Variants in TOX observed in about 807,000 individuals in gnomAD.
TOX encodes thymocyte selection associated high mobility group box, also known as thymocyte selection-associated high mobility group box protein TOX.
In TOX, 11 loss-of-function variants were observed where a neutral mutation model predicts 53.7. The observed-to-expected ratio is 0.20, with a 90% CI of 0.13 to 0.34. The LOEUF (loss-of-function observed/expected upper bound fraction) is 0.34. Ranked by LOEUF, TOX falls within the 10% of genes least tolerant of loss-of-function variation. The probability of loss-of-function intolerance (pLI) is 1.00; values close to 1 mark genes in which losing one functional copy is unlikely to be tolerated. For synonymous variants in TOX, 225 were observed against 245.3 expected (o/e 0.92, Z 0.77); for missense variants, 570 against 664.6 (o/e 0.86, Z 1.56).
intron 3 of TOX, among the ~76,000 whole-genome samples, chr8:58,909,230 C>T (rs1232688744): frequency 6.6e-6 from 1 of 152,148 alleles, no homozygotes; most frequent in African/African-American, 2.4e-5. Context: ...AGTCTTCTTG[C>T]TATTCAAAAT....
intron 3 of TOX, among the ~76,000 whole-genome samples, chr8:58,897,703 C>CTGTTT (rs1554528143): frequency 2.6e-3 from 390 of 148,490 alleles, no homozygotes; most frequent in Middle Eastern, 0.01. Flanking sequence ...AAATGGAAGT[C>CTGTTT]TTTTTTTTTT....
chr8:58,878,759 G>A (rs1225162315), intron 3 of TOX, among the ~76,000 whole-genome samples: 2 of 152,100 alleles, frequency 1.3e-5, no homozygotes, highest in Non-Finnish European at 2.9e-5. Context: ...AGATCATCAC[G>A]TAAGAATTGT....
At chr8:58,934,384 T>C (rs1375193) in intron 3 of TOX, among the ~76,000 whole-genome samples, 39,454 of 152,144 alleles carry the variant, frequency 0.26, 6,200 homozygotes, top group East Asian at 0.4. Flanking sequence ...GAAGGCAATA[T>C]AGATATCTAC....
chr8:59,044,787 C>T (rs1019659697), intron 1 of TOX, among the ~76,000 whole-genome samples: 2 of 152,168 alleles, frequency 1.3e-5, no homozygotes, highest in Non-Finnish European at 2.9e-5. Flanking sequence ...GGATGAATGG[C>T]ATCACTCACT....
intron 4 of TOX, among the ~76,000 whole-genome samples, chr8:58,844,290 T>A (rs1230617142): frequency 1.3e-5 from 2 of 152,204 alleles, no homozygotes; most frequent in East Asian, 1.9e-4. Flanking sequence ...TTTCTAAATT[T>A]AATTTTAATT....
At chr8:59,115,420 C>T (rs1173716174) in intron 1 of TOX, among the ~76,000 whole-genome samples, 1 of 152,162 alleles carries the variant, frequency 6.6e-6, no homozygotes, top group Non-Finnish European at 1.5e-5. Flanking sequence ...TGTTATTACT[C>T]TGTAGGTATA....
At chr8:58,962,161 T>G (rs908053670) in intron 1 of TOX, among the ~76,000 whole-genome samples, 1 of 152,230 alleles carries the variant, frequency 6.6e-6, no homozygotes, top group Non-Finnish European at 1.5e-5. Flanking sequence ...AAGTTTTGGG[T>G]TGAGTCTATC....
chr8:58,958,059 A>G (rs548799576), intron 2 of TOX, among the ~76,000 whole-genome samples: 1 of 152,294 alleles, frequency 6.6e-6, no homozygotes, highest in African/African-American at 2.4e-5. Flanking sequence ...CATTCTAAAA[A>G]CATTTTCATA....
chr8:58,960,057 GT>G, intron 1 of TOX, 49 bp from the exon 2 acceptor site: 1 of 1,594,320 alleles, frequency 6.3e-7, no homozygotes, highest in Non-Finnish European at 8.6e-7. Context: ...CTGCGGGTAT[GT>G]TTGGTTTTTA....
At chr8:58,849,803 A>AATATAGTAC (rs1043330315) in intron 4 of TOX, among the ~76,000 whole-genome samples, 1 of 152,212 alleles carries the variant, frequency 6.6e-6, no homozygotes, top group Non-Finnish European at 1.5e-5. Context: ...TTCGCCTTAC[A>AATATAGTAC]ATATAGTACA....
At chr8:59,109,382 T>C (rs1222287458) in intron 1 of TOX, among the ~76,000 whole-genome samples, 1 of 152,146 alleles carries the variant, frequency 6.6e-6, no homozygotes, top group Non-Finnish European at 1.5e-5. Context: ...CACAAGTAGC[T>C]TGGAGTGGAA....
At chr8:59,064,209 T>G (rs1025644423) in intron 1 of TOX, among the ~76,000 whole-genome samples, 1 of 152,200 alleles carries the variant, frequency 6.6e-6, no homozygotes, top group African/African-American at 2.4e-5. Context: ...CCTTTTTCCC[T>G]GCAAAGCTAT....
At chr8:59,064,510 T>G (rs930121234) in intron 1 of TOX, among the ~76,000 whole-genome samples, 2 of 152,246 alleles carry the variant, frequency 1.3e-5, no homozygotes, top group Non-Finnish European at 2.9e-5. Context: ...GTGCCAGCAT[T>G]TCTATGAATA....
At position 58,930,340 on chromosome 8, in the gene TOX, T is replaced by C. The variant is rs548521903; in HGVS notation, c.411+8962A>G. Among the ~76,000 whole-genome samples, 4 of 152,352 alleles carry C rather than the reference T, an allele frequency of 2.6e-5. No individual in the cohort carries two copies. The Middle Eastern group carries it at 0.01, about 389-fold the overall frequency. ...TCCTACTATGGGCTGTACACTTATA[T>C]AGAGCATTGCTATCAGCAGTTTCTA... On this transcript the variant is annotated intron_variant, in intron 3 of 8. Transcript: ENST00000361421.
chr8:58,849,628 T>G (rs567515747), intron 4 of TOX, among the ~76,000 whole-genome samples: 2 of 152,318 alleles, frequency 1.3e-5, no homozygotes, highest in African/African-American at 4.8e-5. Flanking sequence ...AGTGGAAGAC[T>G]GTGAAAAATG....
chr8:59,084,241 T>G (rs1804468446), intron 1 of TOX, among the ~76,000 whole-genome samples: 1 of 152,110 alleles, frequency 6.6e-6, no homozygotes, highest in Non-Finnish European at 1.5e-5. Flanking sequence ...TATTACATCT[T>G]TATTATCAAA....
At chr8:58,983,494 C>A (rs1813240058) in intron 1 of TOX, among the ~76,000 whole-genome samples, 1 of 152,350 alleles carries the variant, frequency 6.6e-6, no homozygotes, top group African/African-American at 2.4e-5. Flanking sequence ...GACAAGTTTT[C>A]TGACCTTCAA....
chr8:59,038,757 G>A (rs1392885005), intron 1 of TOX, among the ~76,000 whole-genome samples: 1 of 152,238 alleles, frequency 6.6e-6, no homozygotes, highest in Admixed American at 6.5e-5. Context: ...CACAGCACTG[G>A]CTTCTGCCAT....
intron 7 of TOX, among the ~76,000 whole-genome samples, chr8:58,812,043 G>A (rs998791): frequency 0.64 from 96,975 of 151,966 alleles, 32,943 homozygotes; most frequent in East Asian, 0.93. Flanking sequence ...GTGTTTGGAT[G>A]TGTCCACATG....
Sources: allele counts gnomAD v4.1 joint callset (sites outside exome capture counted in the v4.1 genomes callset), GRCh38; gene constraint gnomAD v4.1.1; transcripts MANE v1.5; gene names NCBI Gene and HGNC (gene_info 2026-07-23, HGNC 2026-07-21).